The following TRPM3 variants were observed in gnomAD, a reference collection of about 807,000 sequenced individuals.
The protein encoded by TRPM3 is transient receptor potential cation channel subfamily M member 3.
In TRPM3, 77 loss-of-function variants were observed where a neutral mutation model predicts 181.2. The observed-to-expected ratio is 0.42, with a 90% CI of 0.35 to 0.51. The LOEUF (loss-of-function observed/expected upper bound fraction) is 0.51, where lower values mean the gene tolerates loss of function less well. TRPM3 is among the 20% of genes least tolerant of loss of function. TRPM3 has a pLI of 0.01. For synonymous variants in TRPM3, 745 were observed against 796.4 expected (o/e 0.94, Z 1.09); for missense variants, 1,759 against 2,196.7 (o/e 0.80, Z 3.98).
chr9:71,175,912 C>T (rs7041765), intron 1 of TRPM3, among the ~76,000 whole-genome samples: 147,735 of 152,202 alleles, frequency 0.97, 71,794 homozygotes, highest in East Asian at 1. Flanking sequence ...AAGATTATAA[C>T]GGAGCTGAAA....
At chr9:70,677,921 A>ATTTT (rs35877978) in intron 9 of TRPM3, among the ~76,000 whole-genome samples, 1 of 144,520 alleles carries the variant, frequency 6.9e-6, no homozygotes. Context: ...ATAATAAACA[A>ATTTT]TTTTTTTTTT....
chr9:71,225,935 C>T (rs1288602519), intron 1 of TRPM3, among the ~76,000 whole-genome samples: 2 of 139,080 alleles, frequency 1.4e-5, no homozygotes, highest in Non-Finnish European at 3.0e-5. Flanking sequence ...GGATTACAGG[C>T]ATGAGTTACC....
chr9:71,177,175 G>A (rs2077146373), intron 1 of TRPM3, among the ~76,000 whole-genome samples: 2 of 151,988 alleles, frequency 1.3e-5, no homozygotes, highest in African/African-American at 4.8e-5. Context: ...CCTTGTGATC[G>A]GTTTTTGTCT....
intron 9 of TRPM3, among the ~76,000 whole-genome samples, chr9:70,665,126 C>T (rs1031865538): frequency 2.6e-5 from 4 of 152,110 alleles, no homozygotes; most frequent in African/African-American, 9.7e-5. Flanking sequence ...AGGATTGCAC[C>T]CTGCCTGGAG....
chr9:71,279,564 G>C (rs947932749), intron 1 of TRPM3, among the ~76,000 whole-genome samples: 1 of 152,136 alleles, frequency 6.6e-6, no homozygotes, highest in African/African-American at 2.4e-5. Context: ...TAGTAAGCCT[G>C]GCATAACATG....
At chr9:70,943,792 G>T (rs943953423) in intron 1 of TRPM3, among the ~76,000 whole-genome samples, 2 of 151,924 alleles carry the variant, frequency 1.3e-5, no homozygotes, top group African/African-American at 4.8e-5. Context: ...TTTTTCTTGA[G>T]GAGCAGCCTC....
chr9:70,737,978 C>T (rs375664034), intron 8 of TRPM3, among the ~76,000 whole-genome samples: 43 of 152,200 alleles, frequency 2.8e-4, no homozygotes, highest in African/African-American at 1.0e-3. Context: ...GACAGAAAGG[C>T]AACAAAGAAA....
At chr9:71,005,036 G>C (rs1207615802) in intron 1 of TRPM3, among the ~76,000 whole-genome samples, 1 of 152,192 alleles carries the variant, frequency 6.6e-6, no homozygotes, top group South Asian at 2.1e-4. Flanking sequence ...GGAGATGAGA[G>C]AGAACAAGGC....
chr9:71,213,124 A>G (rs2079612813), intron 1 of TRPM3, among the ~76,000 whole-genome samples: 1 of 152,230 alleles, frequency 6.6e-6, no homozygotes, highest in Non-Finnish European at 1.5e-5. Context: ...TACAGGCCAT[A>G]CAATCTCTGT....
intron 1 of TRPM3, among the ~76,000 whole-genome samples, chr9:71,289,069 T>TA (rs965811708): frequency 6.6e-6 from 1 of 152,086 alleles, no homozygotes; most frequent in African/African-American, 2.4e-5. Flanking sequence ...GTAGCACCTC[T>TA]AATGCCACAC....
intron 1 of TRPM3, among the ~76,000 whole-genome samples, chr9:71,059,011 ATTTTTTT>A (rs1162577364): frequency 5.7e-5 from 3 of 52,638 alleles, no homozygotes; most frequent in Admixed American, 3.8e-4. Flanking sequence ...TTGTTTGTTC[ATTTTTTT>A]TTTTTTTTTT....
upstream of TRPM3, among the ~76,000 whole-genome samples, chr9:71,124,653 A>G (rs2073924587): frequency 6.6e-6 from 1 of 152,176 alleles, no homozygotes; most frequent in African/African-American, 2.4e-5. Context: ...CATTCTCAAT[A>G]CTGACAAGGC....
intron 1 of TRPM3, among the ~76,000 whole-genome samples, chr9:71,231,227 T>C (rs1356167626): frequency 6.6e-6 from 1 of 152,178 alleles, no homozygotes; most frequent in Admixed American, 6.5e-5. Flanking sequence ...GAGATTATGC[T>C]AGATTATCTG....
At chr9:71,282,839 G>C (rs1017364909) in intron 1 of TRPM3, among the ~76,000 whole-genome samples, 3 of 152,112 alleles carry the variant, frequency 2.0e-5, no homozygotes, top group African/African-American at 7.2e-5. Context: ...AAGACCTAAG[G>C]TATGTGTGTA....
rs2076631101 is a variant in TRPM3, at chr9:71,168,229, A to T, written c.183+278424T>A. ...CTTCTGTTTCAAAGTGGTATGCACA[A>T]CTGGAATGACTTTCTGAATATGCAT... On this transcript the variant is annotated intron_variant, in intron 1 of 24. Transcript: ENST00000357533. Among the ~76,000 whole-genome samples, 3 of 152,166 alleles carry T rather than the reference A, an allele frequency of 2.0e-5. No individual in the cohort carries two copies. The South Asian group carries it at 6.2e-4, about 32-fold the overall frequency.
chr9:71,446,810 G>A lies in TRPM3; in HGVS notation c.26C>T (p.Ala9Val), dbSNP rs764872310. ...GTCGGAGCAGCCCCGCTCCATTTCC[G>A]CCGCATCCCTCCACTTCTTCCCCAT... Residue 9 changes from alanine (A) to valine (V), a missense_variant, in exon 1 of 25, where the codon GCG (alanine) becomes GTG (valine). Physicochemically the swap from Ala to Val is moderately conservative, Grantham distance 64. Transcript: ENST00000357533. 10 of 1,548,510 alleles carry A rather than the reference G, an allele frequency of 6.5e-6. No individual in the cohort carries two copies. The East Asian group carries it at 9.8e-5, about 15-fold the overall frequency.
intron 18 of TRPM3, among the ~76,000 whole-genome samples, chr9:70,612,677 T>C (rs576507039): frequency 6.6e-6 from 1 of 152,352 alleles, no homozygotes; most frequent in Non-Finnish European, 1.5e-5. Context: ...GAAGTGTGTA[T>C]TTTCATCATT....
chr9:71,013,313 A>T (rs2097760248), intron 1 of TRPM3, among the ~76,000 whole-genome samples: 1 of 152,092 alleles, frequency 6.6e-6, no homozygotes. Context: ...TAGTCATAAG[A>T]TGTTTTATGA....
chr9:70,602,353 T>C (rs1363533096), intron 20 of TRPM3, among the ~76,000 whole-genome samples: 1 of 152,230 alleles, frequency 6.6e-6, no homozygotes, highest in Non-Finnish European at 1.5e-5. Flanking sequence ...TTAACCTGTC[T>C]TTGTAATGAA....
Sources: allele counts gnomAD v4.1 joint callset (sites outside exome capture counted in the v4.1 genomes callset), GRCh38; gene constraint gnomAD v4.1.1; transcripts MANE v1.5; gene names NCBI Gene and HGNC (gene_info 2026-07-23, HGNC 2026-07-21).